The following LRBA variants were observed in gnomAD, a reference collection of about 807,000 sequenced individuals.
The protein encoded by LRBA is lipopolysaccharide-responsive and beige-like anchor protein.
A neutral mutation model predicts 330.0 loss-of-function variants in LRBA; 176 were observed. That is an observed-to-expected ratio of 0.53 (90% CI 0.47 to 0.60). LRBA has a LOEUF of 0.60. Ranked by LOEUF, LRBA falls within the 20% of genes least tolerant of loss-of-function variation. The probability of loss-of-function intolerance (pLI) is 0.00; values close to 1 mark genes in which losing one functional copy is unlikely to be tolerated. For synonymous variants in LRBA, 1,230 were observed against 1,193.0 expected (o/e 1.03, Z -0.64); for missense variants, 3,259 against 3,444.8 (o/e 0.95, Z 1.35).
intron 44 of LRBA, among the ~76,000 whole-genome samples, chr4:150,447,688 C>T (rs1015718716): frequency 7.2e-5 from 11 of 152,148 alleles, no homozygotes; most frequent in African/African-American, 2.4e-4. Flanking sequence ...TCTGGAGAAC[C>T]TCAAGATACC....
intron 44 of LRBA, among the ~76,000 whole-genome samples, chr4:150,451,743 T>C (rs1753371467): frequency 6.6e-6 from 1 of 151,156 alleles, no homozygotes; most frequent in Non-Finnish European, 1.5e-5. Flanking sequence ...AATAGAAAAA[T>C]AAATAAAATC....
intron 2 of LRBA, among the ~76,000 whole-genome samples, chr4:150,932,374 A>G (rs1240746580): frequency 1.3e-5 from 2 of 151,954 alleles, no homozygotes; most frequent in Non-Finnish European, 1.5e-5. Context: ...AAAAAAAAAA[A>G]AAAGAAAATT....
intron 2 of LRBA, among the ~76,000 whole-genome samples, chr4:150,992,834 C>T (rs1742250037): frequency 6.6e-6 from 1 of 152,172 alleles, no homozygotes; most frequent in African/African-American, 2.4e-5. Context: ...AACTCTCTTC[C>T]TTGTAGGCAT....
At chr4:150,372,879 C>G (rs974424286) in intron 47 of LRBA, among the ~76,000 whole-genome samples, 8 of 151,040 alleles carry the variant, frequency 5.3e-5, no homozygotes, top group Admixed American at 5.3e-4. Context: ...GCAGAGGTGA[C>G]AGTGGGAGTT....
At chr4:150,944,843 G>C (rs555700250) in intron 2 of LRBA, among the ~76,000 whole-genome samples, 1 of 152,288 alleles carries the variant, frequency 6.6e-6, no homozygotes, top group East Asian at 1.9e-4. Context: ...AGGACCCAGT[G>C]GTGGGTAACT....
At chr4:150,381,332 C>T (rs866145823) in intron 47 of LRBA, among the ~76,000 whole-genome samples, 1 of 152,164 alleles carries the variant, frequency 6.6e-6, no homozygotes, top group African/African-American at 2.4e-5. Flanking sequence ...AAAGAAACTC[C>T]GTACCTATAT....
chr4:150,669,067 G>A (rs936406433), intron 37 of LRBA, among the ~76,000 whole-genome samples: 8 of 152,104 alleles, frequency 5.3e-5, no homozygotes, highest in South Asian at 2.1e-4. Context: ...ATCTAAGGTC[G>A]TCCAGTAGAG....
intron 47 of LRBA, among the ~76,000 whole-genome samples, chr4:150,414,650 C>T (rs945770503): frequency 6.6e-6 from 1 of 152,088 alleles, no homozygotes; most frequent in East Asian, 1.9e-4. Context: ...GCCACCACAT[C>T]CGGCTAATTT....
chr4:150,399,334 A>G (rs961096589), intron 47 of LRBA, among the ~76,000 whole-genome samples: 1 of 152,072 alleles, frequency 6.6e-6, no homozygotes, highest in African/African-American at 2.4e-5. Flanking sequence ...CTACTAATCA[A>G]TATTCTTGGG....
chr4:150,465,811 G>C (rs1177593526), intron 44 of LRBA, among the ~76,000 whole-genome samples: 1 of 151,904 alleles, frequency 6.6e-6, no homozygotes, highest in Admixed American at 6.6e-5. Context: ...TCAGTAAGTA[G>C]ATATAGAAAC....
intron 34 of LRBA, among the ~76,000 whole-genome samples, chr4:150,773,630 T>C (rs1463438168): frequency 6.6e-6 from 1 of 152,264 alleles, no homozygotes; most frequent in East Asian, 1.9e-4. Flanking sequence ...GTATTGCTTT[T>C]GGCTTATAAT....
At chr4:150,782,046 G>A (rs2126597368) in intron 34 of LRBA, among the ~76,000 whole-genome samples, 1 of 152,158 alleles carries the variant, frequency 6.6e-6, no homozygotes, top group East Asian at 1.9e-4. Flanking sequence ...AGCTAGGACT[G>A]CAGGTGCACA....
Position 150,906,278 on chromosome 4 carries a change from A to G in LRBA, c.1602+19T>C, listed in dbSNP as rs1183220669. ...CCTGTAAATTAAGAATCAAAAACAT[A>G]AAATATTTCATACTTTACCTTTTCA... On this transcript the variant is annotated intron_variant, in intron 12 of 56. Coordinates refer to ENST00000651943, the MANE Select transcript of LRBA (RefSeq NM_001364905.1). 6.9e-6 allele frequency: 10 copies of G among 1,450,058 alleles called. No homozygotes were observed. Among genetic ancestry groups the G allele is most frequent in the African/African-American group, 5.6e-5 (4 of 71,134 alleles). The allele number at this position is 1,450,058 out of a possible 1,614,324, so 89.8% of individuals were successfully genotyped here.
chr4:150,908,686 G>T lies in LRBA; in HGVS notation c.1333C>A (p.His445Asn). The T allele has an allele frequency of 6.2e-7, 1 of 1,613,818 alleles. No individual in the cohort carries two copies. The highest frequency in any genetic ancestry group is 1.1e-5 in the South Asian group (1 of 91,044). The change falls in exon 10 of 57, where the codon CAT (histidine) becomes AAT (asparagine). Residue 445 changes from histidine to asparagine, a missense_variant. Coordinates refer to ENST00000651943, the MANE Select transcript of LRBA (RefSeq NM_001364905.1). ...SPKDNPSIFV[H>N]SPHALMLQDV... ...TGGAGCATGAGTGCATGTGGTGAAT[G>T]AACAAAAATTGAAGGGTTGTCCTTA...
intron 48 of LRBA, among the ~76,000 whole-genome samples, chr4:150,348,869 T>C (rs1463062193): frequency 6.6e-6 from 1 of 152,202 alleles, no homozygotes; most frequent in Non-Finnish European, 1.5e-5. Context: ...AATACCTTTA[T>C]GGAATCCTAT....
chr4:150,455,859 C>A (rs1365422006), intron 44 of LRBA, among the ~76,000 whole-genome samples: 2 of 152,052 alleles, frequency 1.3e-5, no homozygotes, highest in Non-Finnish European at 2.9e-5. Flanking sequence ...CTTCTACTCT[C>A]TATCTCCATT....
intron 40 of LRBA, among the ~76,000 whole-genome samples, chr4:150,559,666 T>TA (rs1767864835): frequency 2.3e-5 from 2 of 86,732 alleles, no homozygotes; most frequent in African/African-American, 9.6e-5. Context: ...AATTATAATA[T>TA]ATATATTATA....
At chr4:150,598,789 AG>A (rs1211342954) in intron 38 of LRBA, among the ~76,000 whole-genome samples, 15 of 152,296 alleles carry the variant, frequency 9.8e-5, no homozygotes, top group South Asian at 2.1e-4. Flanking sequence ...ATGTTAAGTA[AG>A]TTTTGTATGT....
chr4:150,518,877 T>C (rs914695585), intron 40 of LRBA, among the ~76,000 whole-genome samples: 1 of 152,160 alleles, frequency 6.6e-6, no homozygotes, highest in Non-Finnish European at 1.5e-5. Flanking sequence ...AAGAGTAGAA[T>C]ACTAATTTTC....
Sources: allele counts gnomAD v4.1 joint callset (sites outside exome capture counted in the v4.1 genomes callset), GRCh38; gene constraint gnomAD v4.1.1; transcripts MANE v1.5; gene names NCBI Gene and HGNC (gene_info 2026-07-23, HGNC 2026-07-21).